SYCE1: variants seen among roughly 807,000 people sequenced by gnomAD.
The protein encoded by SYCE1 is cancer/testis antigen 76.
Under a neutral mutation model 55.1 loss-of-function variants are expected in SYCE1, and 37 were observed. The observed-to-expected ratio is 0.67, with a 90% confidence interval of 0.52 to 0.88. The LOEUF is 0.88. Among genes scored for constraint, SYCE1 ranks in the 40% least tolerant of loss-of-function variants. The pLI is 0.00. For missense variants in SYCE1, 399 were observed against 416.4 expected, an observed-to-expected ratio of 0.96 and a Z score of 0.36; for synonymous variants, 163 against 159.4, an observed-to-expected ratio of 1.02 and a Z score of -0.17.
intron 1 of SYCE1, among the ~76,000 whole-genome samples, chr10:133,564,061 A>G (rs1851872686): frequency 6.7e-6 from 1 of 148,840 alleles, no homozygotes; most frequent in Non-Finnish European, 1.5e-5. Flanking sequence ...GCTGGTCACT[A>G]TAGAATGTTT....
chr10:133,561,454 CT>C (rs1851812804), intron 1 of SYCE1, among the ~76,000 whole-genome samples: 1 of 152,128 alleles, frequency 6.6e-6, no homozygotes, highest in African/African-American at 2.4e-5. Context: ...CAACTCTACT[CT>C]TTTTTTGGAG....
In SYCE1 at chr10:133,564,707, AGAT is replaced by A. The variant is rs1475492024; in HGVS notation, c.73+747_73+749del. 3.7e-4 allele frequency among the ~76,000 whole-genome samples: 57 copies of A among 152,362 alleles called. 1 individual carries two copies. The highest frequency in any genetic ancestry group is 1.4e-3 in the African/African-American group (57 of 41,574). On this transcript the variant is annotated intron_variant, in intron 1 of 12. Coordinates refer to ENST00000343131, the MANE Select transcript of SYCE1 (RefSeq NM_001143764.3). The stretch of plus-strand genomic sequence containing the variant: ...TGCAGAGTTTTAACTCAAGGGGGAC[AGAT>A]GATCTCAGGACAGAATGACAAGCTG...
chr10:133,562,049 C>T (rs1851826100), intron 1 of SYCE1, among the ~76,000 whole-genome samples: 1 of 152,122 alleles, frequency 6.6e-6, no homozygotes, highest in African/African-American at 2.4e-5. Context: ...AGGATTGTCA[C>T]CCCAACTGCA....
chr10:133,561,128 C>A (rs1851805912), intron 1 of SYCE1: 1 of 152,178 alleles, frequency 6.6e-6, no homozygotes, highest in African/African-American at 2.4e-5. Flanking sequence ...GACCACCCTG[C>A]CACCCTGGGC....
intron 1 of SYCE1, among the ~76,000 whole-genome samples, chr10:133,562,260 AATGTGTGT>A (rs1228903317): frequency 4.5e-4 from 55 of 121,982 alleles, no homozygotes; most frequent in African/African-American, 1.7e-3. Context: ...GCTAACATCC[AATGTGTGT>A]GTGTGTGTGT....
rs745489133 is a variant in SYCE1, at chr10:133,556,730, AG to A, written c.528+28del. ...CTGGTGCTGCTAGGGAAGATGTGGA[AG>A]GGGGAGGAGTGGCTTTGAGGGACTC... On this transcript the variant is annotated intron_variant, in intron 8 of 12. Coordinates refer to ENST00000343131, the MANE Select transcript of SYCE1 (RefSeq NM_001143764.3). The A allele has an allele frequency of 2.3e-4, 351 of 1,553,356 alleles. 3 individuals carry two copies. In the Middle Eastern group the frequency reaches 3.8e-3, roughly 17 times the overall value.
At chr10:133,564,577 A>T (rs900825289) in intron 1 of SYCE1, among the ~76,000 whole-genome samples, 2 of 152,140 alleles carry the variant, frequency 1.3e-5, no homozygotes, top group Non-Finnish European at 2.9e-5. Flanking sequence ...TTTCTGTGCT[A>T]AGCTTGTTTC....
At chr10:133,558,022 C>CT in intron 5 of SYCE1, 104 bp from the exon 6 acceptor site, 5 of 1,536,450 alleles carry the variant, frequency 3.3e-6, no homozygotes, top group Non-Finnish European at 4.5e-6. Flanking sequence ...CCTGATTGAG[C>CT]TTTAACATTT....
At chr10:133,562,393 T>G (rs1851837743) in intron 1 of SYCE1, among the ~76,000 whole-genome samples, 1 of 152,056 alleles carries the variant, frequency 6.6e-6, no homozygotes, top group Non-Finnish European at 1.5e-5. Flanking sequence ...TTTTTTTTCT[T>G]TTCAGTTGAC....
intron 6 of SYCE1, 27 bp downstream of exon 6, chr10:133,557,837 G>A (rs1439315871): frequency 6.2e-7 from 1 of 1,613,496 alleles, no homozygotes; most frequent in Non-Finnish European, 8.5e-7. Context: ...AGGTAGTGCA[G>A]AGTTAGGCTC....
At chr10:133,558,802 T>C (rs555047672) in intron 4 of SYCE1, 75 bp downstream of exon 4, 2 of 1,471,998 alleles carry the variant, frequency 1.4e-6, no homozygotes, top group East Asian at 2.3e-5. Context: ...GCAAGGATGC[T>C]GATTATCTGG....
chr10:133,568,243 T>A (rs1201733095), upstream of SYCE1: 2 of 1,407,276 alleles, frequency 1.4e-6, no homozygotes, highest in South Asian at 2.4e-5. Flanking sequence ...GTCCTCCTCG[T>A]CCTCCAGGCC....
At chr10:133,559,876 A>C (rs1296464592) in intron 2 of SYCE1, 5 of 553,090 alleles carry the variant, frequency 9.0e-6, no homozygotes, top group Admixed American at 3.2e-5. Flanking sequence ...GGTTTGGGAC[A>C]GGGTTTTGGG....
chr10:133,555,874 C>T lies in SYCE1; in HGVS notation c.625G>A (p.Val209Met), dbSNP rs746219658. 5.6e-6 allele frequency: 9 copies of T among 1,613,940 alleles called. No individual in the cohort carries two copies. The highest frequency in any genetic ancestry group is 2.2e-5 in the East Asian group (1 of 44,888). ...CACAGGGAGCACAGCTGATGCTTCA[C>T]GTCTTCCAGTGTCGCCTTGACCAGC... is the stretch of plus-strand genomic sequence containing the variant. ...EKLVKATLED[V>M]KHQLCSLCGA... Residue 209 changes from valine (V) to methionine (M), a missense_variant, in exon 10 of 13, where the codon GTG (valine) becomes ATG (methionine). Transcript: ENST00000343131.
At chr10:133,561,538 C>T (rs528631421) in intron 1 of SYCE1, among the ~76,000 whole-genome samples, 6 of 152,270 alleles carry the variant, frequency 3.9e-5, no homozygotes, top group African/African-American at 1.4e-4. Flanking sequence ...TTTGAACTCG[C>T]TCCCAACAGG....
chr10:133,557,935 AGGGCCCTATGAGAACCTGTCAAGGTATT>A lies in SYCE1; in HGVS notation c.320-45_320-18del, dbSNP rs1459491308. On this transcript the variant is annotated intron_variant, in intron 5 of 12. Transcript: ENST00000343131. The stretch of plus-strand genomic sequence containing the variant: ...TCAGGGTCTCTGTAGGGAGAGCAAC[AGGGCCCTATGAGAACCTGTCAAGGTATT>A]GGGTTTTGGCAGGGGGAACACAGCC... 2.5e-6 allele frequency: 4 copies of A among 1,613,760 alleles called. No individual in the cohort carries two copies. Among genetic ancestry groups the A allele is most frequent in the Non-Finnish European group, 3.4e-6 (4 of 1,179,990 alleles).
intron 6 of SYCE1, chr10:133,557,517 TG>T (rs1426853681): frequency 2.1e-6 from 1 of 483,690 alleles, no homozygotes; most frequent in African/African-American, 1.9e-5. Context: ...GAAAAGATAA[TG>T]GATGAATGGA....
At chr10:133,557,684 A>G in intron 6 of SYCE1, 180 bp downstream of exon 6, 1 of 634,934 alleles carries the variant, frequency 1.6e-6, no homozygotes, top group South Asian at 2.1e-5. Flanking sequence ...TGCCATTGAG[A>G]GAGTTTCCCT....
downstream of SYCE1, chr10:133,554,189 A>C: frequency 1.9e-6 from 2 of 1,052,580 alleles, no homozygotes; most frequent in South Asian, 2.7e-5. Flanking sequence ...GATTAACTGC[A>C]TCTTAGAGAA....
Sources: allele counts gnomAD v4.1 joint callset (sites outside exome capture counted in the v4.1 genomes callset), GRCh38; gene constraint gnomAD v4.1.1; transcripts MANE v1.5; gene names NCBI Gene and HGNC (gene_info 2026-07-23, HGNC 2026-07-21).